The following MLLT3 variants were observed in gnomAD, a reference collection of about 807,000 sequenced individuals.
MLLT3 encodes the protein MLLT3 super elongation complex subunit, also known as protein AF-9.
A neutral mutation model predicts 53.2 loss-of-function variants in MLLT3; 4 were observed. The observed-to-expected ratio is 0.08, with a 90% CI of 0.04 to 0.17. The LOEUF is 0.17. Ranked by LOEUF, MLLT3 falls within the 10% of genes least tolerant of loss-of-function variation. MLLT3 has a pLI of 1.00. For synonymous variants in MLLT3, 283 were observed against 230.6 expected, an observed-to-expected ratio of 1.23 and a Z score of -2.06; for missense variants, 569 against 684.0, an observed-to-expected ratio of 0.83 and a Z score of 1.87.
chr9:20,373,968 A>T (rs1821686294), intron 5 of MLLT3, among the ~76,000 whole-genome samples: 1 of 151,296 alleles, frequency 6.6e-6, no homozygotes, highest in South Asian at 2.1e-4. Flanking sequence ...CTTACACATT[A>T]TATAGCTTTT....
chr9:20,507,220 A>C (rs1472866024), intron 2 of MLLT3, among the ~76,000 whole-genome samples: 1 of 152,216 alleles, frequency 6.6e-6, no homozygotes, highest in African/African-American at 2.4e-5. Flanking sequence ...AGTTCCACCG[A>C]TATCTACCTC....
At chr9:20,364,129 C>T (rs1563937542) in intron 6 of MLLT3, among the ~76,000 whole-genome samples, 1 of 152,176 alleles carries the variant, frequency 6.6e-6, no homozygotes, top group Non-Finnish European at 1.5e-5. Flanking sequence ...GTGTAATATC[C>T]TACCTCTGAT....
chr9:20,588,784 G>A (rs1270755509), intron 2 of MLLT3, among the ~76,000 whole-genome samples: 1 of 152,182 alleles, frequency 6.6e-6, no homozygotes, highest in Non-Finnish European at 1.5e-5. Context: ...CATGTCATCT[G>A]CAAACAGGGA....
intron 5 of MLLT3, among the ~76,000 whole-genome samples, chr9:20,367,815 A>C (rs1821497480): frequency 6.6e-6 from 1 of 152,204 alleles, no homozygotes; most frequent in South Asian, 2.1e-4. Flanking sequence ...AATGAGGATG[A>C]GAATCTCAGT....
At chr9:20,530,844 T>G (rs935272054) in intron 2 of MLLT3, among the ~76,000 whole-genome samples, 6 of 152,200 alleles carry the variant, frequency 3.9e-5, no homozygotes, top group African/African-American at 1.4e-4. Context: ...TTGGCCAGCT[T>G]GGTCTCGAAC....
At chr9:20,588,440 C>A (rs1040606062) in intron 2 of MLLT3, among the ~76,000 whole-genome samples, 4 of 152,076 alleles carry the variant, frequency 2.6e-5, no homozygotes, top group African/African-American at 7.2e-5. Flanking sequence ...GGCAGTATGG[C>A]CATTTTCACG....
chr9:20,461,135 A>T (rs572203807), intron 2 of MLLT3, among the ~76,000 whole-genome samples: 2 of 152,350 alleles, frequency 1.3e-5, no homozygotes, highest in East Asian at 3.9e-4. Context: ...AAGGTCTATT[A>T]GGATACTATA....
At chr9:20,381,204 T>C (rs749251101) in intron 5 of MLLT3, among the ~76,000 whole-genome samples, 4 of 151,986 alleles carry the variant, frequency 2.6e-5, no homozygotes, top group Non-Finnish European at 4.4e-5. Flanking sequence ...CATGTTTTAG[T>C]GCATCAGAAA....
chr9:20,617,395 A>T (rs1221976593), intron 2 of MLLT3, among the ~76,000 whole-genome samples: 1 of 152,210 alleles, frequency 6.6e-6, no homozygotes, highest in Admixed American at 6.5e-5. Flanking sequence ...CTAAGGCTAC[A>T]AATAAAAAGC....
At chr9:20,471,831 C>A (rs1465372098) in intron 2 of MLLT3, among the ~76,000 whole-genome samples, 1 of 149,680 alleles carries the variant, frequency 6.7e-6, no homozygotes, top group African/African-American at 2.5e-5. Context: ...ATGTCACCTA[C>A]CATTTTTTTT....
In MLLT3 at chr9:20,445,456, A is replaced by AGTT. The variant is rs1823670497; in HGVS notation, c.420+2664_420+2666dup. ...ATGTTATTGACCCCTCTCCCAAAAA[A>AGTT]GTTGTTATAGGCTTATAGATTATGA... On this transcript the variant is annotated intron_variant, in intron 4 of 10. Coordinates refer to ENST00000380338, the MANE Select transcript of MLLT3 (RefSeq NM_004529.4). Among the ~76,000 whole-genome samples, 4 of 152,296 alleles carry AGTT rather than the reference A, an allele frequency of 2.6e-5. No homozygotes were observed. The East Asian group carries it at 5.8e-4, about 22-fold the overall frequency.
chr9:20,480,070 A>G (rs1218691879), intron 2 of MLLT3, among the ~76,000 whole-genome samples: 3 of 152,222 alleles, frequency 2.0e-5, no homozygotes, highest in Admixed American at 6.5e-5. Context: ...TACAAATACT[A>G]GAGGTATTCT....
chr9:20,609,091 T>A (rs1820638729), intron 2 of MLLT3, among the ~76,000 whole-genome samples: 1 of 152,082 alleles, frequency 6.6e-6, no homozygotes, highest in Non-Finnish European at 1.5e-5. Context: ...CTTTACAATG[T>A]AAGAAAATTC....
rs542820855 is a variant in MLLT3, at chr9:20,562,461, G to A, written c.193+58193C>T. 3.3e-5 allele frequency among the ~76,000 whole-genome samples: 5 copies of A among 152,180 alleles called. No individual in the cohort carries two copies. In the South Asian group the frequency reaches 1.0e-3, roughly 32 times the overall value. ...TAAAATTTGATCTATGACACTAACA[G>A]ATTTTAATAAACTACTTCATAAATA... On this transcript the variant is annotated intron_variant, in intron 2 of 10. Transcript: ENST00000380338.
chr9:20,353,114 G>T (rs187813894), intron 10 of MLLT3, among the ~76,000 whole-genome samples: 5 of 150,206 alleles, frequency 3.3e-5, no homozygotes, highest in Admixed American at 6.6e-5. Context: ...ATTGGCAAAG[G>T]TTACTAAATT....
chr9:20,520,929 T>C (rs1257049939), intron 2 of MLLT3, among the ~76,000 whole-genome samples: 3 of 152,184 alleles, frequency 2.0e-5, no homozygotes, highest in African/African-American at 7.2e-5. Flanking sequence ...GCAGGACATG[T>C]AGAATAGTGG....
intron 2 of MLLT3, among the ~76,000 whole-genome samples, chr9:20,510,854 C>T (rs1825517520): frequency 6.6e-6 from 1 of 152,072 alleles, no homozygotes; most frequent in African/African-American, 2.4e-5. Context: ...AAAGCACCAG[C>T]ATTTAAAGAT....
chr9:20,416,900 C>G (rs1446082923), intron 4 of MLLT3, among the ~76,000 whole-genome samples: 1 of 152,104 alleles, frequency 6.6e-6, no homozygotes, highest in African/African-American at 2.4e-5. Context: ...TGTCAAAGTT[C>G]AAATATATTG....
intron 2 of MLLT3, among the ~76,000 whole-genome samples, chr9:20,476,331 G>T (rs1186672433): frequency 6.6e-6 from 1 of 152,048 alleles, no homozygotes; most frequent in Non-Finnish European, 1.5e-5. Flanking sequence ...ACCCAAATCA[G>T]AGAAATACTT....
Sources: allele counts gnomAD v4.1 joint callset (sites outside exome capture counted in the v4.1 genomes callset), GRCh38; gene constraint gnomAD v4.1.1; transcripts MANE v1.5; gene names NCBI Gene and HGNC (gene_info 2026-07-23, HGNC 2026-07-21).